Variants in NEBL observed in about 807,000 individuals in gnomAD.
The protein encoded by NEBL is nebulette.
NEBL carries 122 observed loss-of-function variants against 140.2 expected under a neutral mutation model. That is an observed-to-expected ratio of 0.87 (90% confidence interval 0.75 to 1.01). The LOEUF is 1.01. Among genes scored for constraint, NEBL ranks in the 50% least tolerant of loss-of-function variants. The probability of loss-of-function intolerance (pLI) is 0.00; values close to 1 mark genes in which losing one functional copy is unlikely to be tolerated. For missense variants in NEBL, 1,365 were observed against 1,231.3 expected (o/e 1.11, Z -1.62); for synonymous variants, 436 against 398.9 (o/e 1.09, Z -1.11).
At chr10:21,048,463 A>AC in intron 2 of NEBL, among the ~76,000 whole-genome samples, 1 of 151,974 alleles carries the variant, frequency 6.6e-6, no homozygotes, top group African/African-American at 2.4e-5. Flanking sequence ...AAAAAAAAAA[A>AC]AAAAAACCTA....
intron 2 of NEBL, among the ~76,000 whole-genome samples, chr10:21,154,063 C>T (rs1840243419): frequency 6.6e-6 from 1 of 152,050 alleles, no homozygotes; most frequent in Non-Finnish European, 1.5e-5. Context: ...TCAGCTTAAT[C>T]ATAAAGAGAA....
At chr10:20,818,470 A>C (rs934327859) in intron 20 of NEBL, among the ~76,000 whole-genome samples, 5 of 152,204 alleles carry the variant, frequency 3.3e-5, no homozygotes, top group African/African-American at 1.2e-4. Flanking sequence ...TTTTTGCTTT[A>C]TTCACAACAG....
At chr10:21,211,713 T>G (rs1841918093) in intron 3 of NEBL, among the ~76,000 whole-genome samples, 1 of 152,166 alleles carries the variant, frequency 6.6e-6, no homozygotes, top group African/African-American at 2.4e-5. Context: ...AAGGTAAAAT[T>G]TTGTTGTGAC....
chr10:21,082,981 C>T (rs368844527), intron 2 of NEBL, among the ~76,000 whole-genome samples: 14 of 152,054 alleles, frequency 9.2e-5, no homozygotes, highest in African/African-American at 2.2e-4. Context: ...AGGCTGGTCT[C>T]GAACTCCTGA....
At chr10:20,888,406 AACGCTTTC>A (rs1846723059) in intron 3 of NEBL, among the ~76,000 whole-genome samples, 199 bp from the exon 4 acceptor site, 1 of 152,340 alleles carries the variant, frequency 6.6e-6, no homozygotes, top group African/African-American at 2.4e-5. Flanking sequence ...TATCATAGAG[AACGCTTTC>A]AATGAGACAT....
At chr10:21,164,541 T>G (rs1363074460) in intron 2 of NEBL, among the ~76,000 whole-genome samples, 2 of 152,224 alleles carry the variant, frequency 1.3e-5, no homozygotes, top group Non-Finnish European at 2.9e-5. Flanking sequence ...CTGCTGAGCT[T>G]CATCTCAAAA....
chr10:21,209,425 G>C (rs1394959544), intron 3 of NEBL, among the ~76,000 whole-genome samples: 1 of 152,154 alleles, frequency 6.6e-6, no homozygotes, highest in African/African-American at 2.4e-5. Flanking sequence ...GGAAAGTCTA[G>C]CCTCGGGAGA....
At chr10:21,117,319 T>C (rs752548574) in intron 2 of NEBL, among the ~76,000 whole-genome samples, 28 of 152,050 alleles carry the variant, frequency 1.8e-4, no homozygotes, top group Non-Finnish European at 3.4e-4. Context: ...TTCTCTAGCC[T>C]CAGGAGTTTC....
At chr10:21,137,099 G>A (rs556152427) in intron 2 of NEBL, among the ~76,000 whole-genome samples, 7 of 152,288 alleles carry the variant, frequency 4.6e-5, no homozygotes, top group South Asian at 4.1e-4. Flanking sequence ...AAGCATGGTC[G>A]TTGGTCTTAG....
At chr10:21,269,782 G>T (rs944213469) in intron 1 of NEBL, among the ~76,000 whole-genome samples, 1 of 152,184 alleles carries the variant, frequency 6.6e-6, no homozygotes, top group African/African-American at 2.4e-5. Flanking sequence ...AATAGAGGAA[G>T]AAGTTTACCT....
chr10:20,852,755 G>A, intron 9 of NEBL, 106 bp from the exon 10 acceptor site: 7 of 1,029,122 alleles, frequency 6.8e-6, no homozygotes, highest in Non-Finnish European at 1.0e-5. Flanking sequence ...GAGCTGCAAA[G>A]CTGTTGCCAA....
intron 3 of NEBL, among the ~76,000 whole-genome samples, chr10:21,010,837 A>G (rs941146425): frequency 6.6e-6 from 1 of 152,222 alleles, no homozygotes; most frequent in Non-Finnish European, 1.5e-5. Context: ...GACTGTAGCT[A>G]TTCTTGTCTT....
At chr10:20,932,867 T>C (rs1207017237) in intron 4 of NEBL, among the ~76,000 whole-genome samples, 2 of 152,250 alleles carry the variant, frequency 1.3e-5, no homozygotes, top group Non-Finnish European at 2.9e-5. Flanking sequence ...CCAGTACAAA[T>C]GTTCATGCAT....
At chr10:20,996,536 A>C (rs1463345080) in intron 3 of NEBL, among the ~76,000 whole-genome samples, 1 of 152,190 alleles carries the variant, frequency 6.6e-6, no homozygotes, top group Non-Finnish European at 1.5e-5. Flanking sequence ...CACCATTCTA[A>C]AATAAAGAAA....
At chr10:20,972,230 T>C (rs761358184) in intron 3 of NEBL, among the ~76,000 whole-genome samples, 39 of 152,280 alleles carry the variant, frequency 2.6e-4, no homozygotes, top group Admixed American at 4.6e-4. Context: ...TCGTCACAGC[T>C]GATAAAAGTG....
rs540163376 is a variant in NEBL, at chr10:20,849,475, C to T, written c.1116+920G>A. Among the ~76,000 whole-genome samples, 17 of 152,186 alleles carry T rather than the reference C, an allele frequency of 1.1e-4. No homozygotes were observed. The South Asian group carries it at 3.5e-3, about 32-fold the overall frequency. On this transcript the variant is annotated intron_variant, in intron 11 of 27. Coordinates refer to ENST00000377122, the MANE Select transcript of NEBL (RefSeq NM_006393.3). ...ACTCTAAGAGGTGATCAGGCCATAG[C>T]GCTCTGCCTCATGAATGGATTGATG...
At chr10:21,139,071 G>C (rs1020528694) in intron 2 of NEBL, among the ~76,000 whole-genome samples, 4 of 152,074 alleles carry the variant, frequency 2.6e-5, no homozygotes, top group Non-Finnish European at 5.9e-5. Flanking sequence ...CAACAAAAGA[G>C]AACACGCTCA....
At chr10:20,837,606 G>A (rs1303065901) in intron 13 of NEBL, among the ~76,000 whole-genome samples, 1 of 152,178 alleles carries the variant, frequency 6.6e-6, no homozygotes, top group Non-Finnish European at 1.5e-5. Flanking sequence ...AATGAAGGTA[G>A]CTACACTAAA....
intron 3 of NEBL, among the ~76,000 whole-genome samples, chr10:20,978,479 G>A (rs1836894571): frequency 6.6e-6 from 1 of 152,070 alleles, no homozygotes; most frequent in Non-Finnish European, 1.5e-5. Flanking sequence ...AGAAAGGGCT[G>A]GGTGCAGTGG....
Sources: gnomAD v4.1 joint callset for allele counts (sites outside exome capture counted in the v4.1 genomes callset) on GRCh38, gnomAD v4.1.1 for gene constraint, MANE v1.5 for transcripts, NCBI Gene and HGNC (gene_info 2026-07-23, HGNC 2026-07-21) for gene names.